The following TSPEAR variants were observed in gnomAD, a reference collection of about 807,000 sequenced individuals.
TSPEAR encodes the protein thrombospondin type laminin G domain and EAR repeats.
Under a neutral mutation model 71.6 loss-of-function variants are expected in TSPEAR, and 69 were observed. The ratio of observed to expected loss-of-function variants is 0.96; its 90% CI spans 0.79 to 1.18. TSPEAR has a LOEUF of 1.18. TSPEAR is among the 50% of genes most tolerant of loss of function. The probability of loss-of-function intolerance (pLI) is 0.00; values close to 1 mark genes in which losing one functional copy is unlikely to be tolerated. For missense variants in TSPEAR, 971 were observed against 894.9 expected, an observed-to-expected ratio of 1.09 and a Z score of -1.09; for synonymous variants, 402 against 387.2, an observed-to-expected ratio of 1.04 and a Z score of -0.45.
intron 1 of TSPEAR, chr21:44,666,528 C>T: frequency 1.2e-6 from 2 of 1,612,834 alleles, no homozygotes; most frequent in Non-Finnish European, 8.5e-7. Context: ...AGAGGACTGG[C>T]AGGACGGAGC....
rs539227231 is a variant in TSPEAR, at chr21:44,699,870, C to A, written c.82+11563G>T. ...TGAGCTAGCGTCTTCCTCCAAACTG[C>A]CCTCTCCCCTGACCGGCTGGGGCAG... On this transcript the variant is annotated intron_variant, in intron 1 of 11. Coordinates refer to ENST00000323084, the MANE Select transcript of TSPEAR (RefSeq NM_144991.3). Among the ~76,000 whole-genome samples the A allele has an allele frequency of 5.6e-4, 86 of 152,316 alleles. 1 individual carries two copies. The highest frequency in any genetic ancestry group is 4.1e-3 in the East Asian group (21 of 5,174).
At position 44,687,490 on chromosome 21, in the gene TSPEAR, G is replaced by T. The variant is rs938751528; in HGVS notation, c.82+23943C>A. Among the ~76,000 whole-genome samples the T allele has an allele frequency of 6.6e-6, 1 of 152,200 alleles. No individual in the cohort carries two copies. The highest frequency in any genetic ancestry group is 1.5e-5 in the Non-Finnish European group (1 of 68,030). ...TGCTTACGCACACGGCAACAGGAAC[G>T]CATCGCAGAAACACCGCGCGGGGTG... On this transcript the variant is annotated intron_variant, in intron 1 of 11. Transcript: ENST00000323084. The surrounding 1 kb of genome is among the most constrained non-coding windows in gnomAD (Gnocchi z 4.4).
intron 1 of TSPEAR, among the ~76,000 whole-genome samples, chr21:44,651,006 AG>A (rs1368464496): frequency 3.9e-5 from 6 of 152,152 alleles, no homozygotes; most frequent in Non-Finnish European, 8.8e-5. Context: ...CCCACCAGGG[AG>A]GGGGCACCAG....
intron 1 of TSPEAR, among the ~76,000 whole-genome samples, chr21:44,690,383 A>G (rs1196353181): frequency 6.6e-6 from 1 of 152,244 alleles, no homozygotes; most frequent in Non-Finnish European, 1.5e-5. Context: ...AAAATCCTAG[A>G]TATGTCCTCT....
chr21:44,592,527 G>A (rs782072072), intron 1 of TSPEAR: 6 of 1,566,682 alleles, frequency 3.8e-6, no homozygotes, highest in African/African-American at 1.4e-5. Context: ...GAGCCTGTGA[G>A]GTGCTGAGGC....
intron 1 of TSPEAR, chr21:44,681,593 G>A (rs1986592167): frequency 6.0e-6 from 3 of 497,362 alleles, no homozygotes; most frequent in African/African-American, 1.9e-5. Context: ...GGGAAAGCTG[G>A]TTTATTTGAC....
rs114118139 is a variant in TSPEAR, at chr21:44,547,074, C to T, written c.304-13151G>A. 3.5e-3 allele frequency among the ~76,000 whole-genome samples: 538 copies of T among 152,330 alleles called. 2 individuals are homozygous for T. The highest frequency in any genetic ancestry group is 0.012 in the African/African-American group (513 of 41,580). ...TTTTCTCCATTCTCACATCTACTCC[C>T]CTTTGTCTCAGCTACTCCTCAGACT... On this transcript the variant is annotated intron_variant, in intron 2 of 11. Coordinates refer to ENST00000323084, the MANE Select transcript of TSPEAR (RefSeq NM_144991.3).
Position 44,529,987 on chromosome 21 carries a change from C to T in TSPEAR, c.634-33G>A, listed in dbSNP as rs782389749. Reference sequence around the variant, plus strand: ...GAGAGGGACAGCTCCTTCAGGCCCGCGCTGCTGGGGAAGGACCCGCTGAGG... The same window carrying T: ...GAGAGGGACAGCTCCTTCAGGCCCGTGCTGCTGGGGAAGGACCCGCTGAGG... On this transcript the variant is annotated intron_variant, in intron 4 of 11. Transcript: ENST00000323084. The T allele has an allele frequency of 1.4e-5, 21 of 1,532,230 alleles. No homozygotes were observed. The East Asian group carries it at 2.8e-4, about 20-fold the overall frequency. 94.9% of individuals were successfully genotyped at this position (1,532,230 alleles called of 1,614,324 possible).
chr21:44,573,751 C>T, intron 1 of TSPEAR: 1 of 1,612,144 alleles, frequency 6.2e-7, no homozygotes, highest in Non-Finnish European at 8.5e-7. Context: ...AGCACAGCAG[C>T]ATCCACCATG....
intron 2 of TSPEAR, among the ~76,000 whole-genome samples, chr21:44,552,181 G>T (rs1260593021): frequency 1.3e-5 from 2 of 152,172 alleles, no homozygotes; most frequent in African/African-American, 4.8e-5. Context: ...GCAGATCCAG[G>T]CCTGGGGGTG....
intron 2 of TSPEAR, among the ~76,000 whole-genome samples, chr21:44,535,435 G>A (rs2053071599): frequency 6.6e-6 from 1 of 152,148 alleles, no homozygotes; most frequent in South Asian, 2.1e-4. Context: ...GGTAAAGCAG[G>A]TATGAAAACA....
intron 2 of TSPEAR, among the ~76,000 whole-genome samples, chr21:44,552,048 T>C (rs2003776): frequency 0.55 from 84,329 of 151,976 alleles, 24,453 homozygotes; most frequent in South Asian, 0.71. Context: ...GAGAAGGAGA[T>C]GGAATGTTCT....
intron 1 of TSPEAR, chr21:44,637,836 C>T: frequency 7.2e-7 from 1 of 1,384,468 alleles, no homozygotes; most frequent in South Asian, 1.3e-5. Flanking sequence ...TGCACCTCCT[C>T]CCCATGCCAG....
intron 1 of TSPEAR, among the ~76,000 whole-genome samples, chr21:44,678,876 T>TA (rs1324121474): frequency 6.6e-6 from 1 of 152,188 alleles, no homozygotes; most frequent in Non-Finnish European, 1.5e-5. Context: ...CCATGAAGGC[T>TA]AAAACAACTC....
intron 2 of TSPEAR, among the ~76,000 whole-genome samples, chr21:44,565,602 T>TA (rs587755319): frequency 4.6e-5 from 7 of 151,978 alleles, no homozygotes; most frequent in Non-Finnish European, 1.0e-4. Context: ...ATCAACAGAA[T>TA]AAAAAACAAA....
chr21:44,706,259 G>C (rs560631043), intron 1 of TSPEAR, among the ~76,000 whole-genome samples: 147 of 152,270 alleles, frequency 9.7e-4, no homozygotes, highest in Non-Finnish European at 1.4e-3. Flanking sequence ...ACCAAGGAAG[G>C]GTGGCTGCGT....
At chr21:44,702,154 G>A in intron 1 of TSPEAR, 2 of 1,341,298 alleles carry the variant, frequency 1.5e-6, no homozygotes, top group African/African-American at 1.4e-5. Flanking sequence ...GGAGACTGAA[G>A]CGATGGAGCA....
chr21:44,658,160 A>G (rs1555942937), intron 1 of TSPEAR: 4 of 1,614,084 alleles, frequency 2.5e-6, no homozygotes. Context: ...CGTGAGCTGC[A>G]GGCCCATCAT....
At chr21:44,677,628 T>G in intron 1 of TSPEAR, 1 of 1,163,134 alleles carries the variant, frequency 8.6e-7, no homozygotes, top group South Asian at 1.3e-5. Flanking sequence ...TAAAGATTCC[T>G]CATGCTGAAC....
Sources: gnomAD v4.1 joint callset for allele counts (sites outside exome capture counted in the v4.1 genomes callset) on GRCh38, gnomAD v4.1.1 for gene constraint, Gnocchi (gnomAD v3.1) non-coding constraint, MANE v1.5 for transcripts, NCBI Gene and HGNC (gene_info 2026-07-23, HGNC 2026-07-21) for gene names.